The following STRBP variants were observed in gnomAD, a reference collection of about 807,000 sequenced individuals.
STRBP encodes spermatid perinuclear RNA binding protein.
In STRBP, 13 loss-of-function variants were observed where a neutral mutation model predicts 80.1. The ratio of observed to expected loss-of-function variants is 0.16; its 90% CI spans 0.11 to 0.26. The LOEUF (loss-of-function observed/expected upper bound fraction) is 0.26, where lower values mean the gene tolerates loss of function less well. Ranked by LOEUF, STRBP falls within the 10% of genes least tolerant of loss-of-function variation. The probability of loss-of-function intolerance (pLI) is 1.00; values close to 1 mark genes in which losing one functional copy is unlikely to be tolerated. For synonymous variants in STRBP, 284 were observed against 291.2 expected, an observed-to-expected ratio of 0.98 and a Z score of 0.25; for missense variants, 485 against 815.2, an observed-to-expected ratio of 0.59 and a Z score of 4.93.
intron 2 of STRBP, among the ~76,000 whole-genome samples, chr9:123,214,421 CAAAATCTCACAAATCA>C (rs2039823636): frequency 6.6e-6 from 1 of 151,920 alleles, no homozygotes; most frequent in Non-Finnish European, 1.5e-5. Flanking sequence ...ATGGGTGCAC[CAAAATCTCACAAATCA>C]CAGGTAAAGA....
At chr9:123,174,523 AC>A (rs1345818795) in intron 4 of STRBP, among the ~76,000 whole-genome samples, 1 of 152,246 alleles carries the variant, frequency 6.6e-6, no homozygotes, top group Non-Finnish European at 1.5e-5. Flanking sequence ...TTGGGAAAGA[AC>A]ATCAGCACAG....
chr9:123,205,539 A>C (rs1588097977), intron 2 of STRBP, among the ~76,000 whole-genome samples: 1 of 152,346 alleles, frequency 6.6e-6, no homozygotes, highest in Non-Finnish European at 1.5e-5. Flanking sequence ...CAGTAATGTT[A>C]ACAAATTACC....
chr9:123,138,311 T>A (rs2132327047), intron 14 of STRBP, among the ~76,000 whole-genome samples: 1 of 152,342 alleles, frequency 6.6e-6, no homozygotes, highest in African/African-American at 2.4e-5. Context: ...CATCTTGACC[T>A]GTGACTGCCA....
At chr9:123,151,799 A>C (rs2037067877) in intron 11 of STRBP, among the ~76,000 whole-genome samples, 1 of 152,160 alleles carries the variant, frequency 6.6e-6, no homozygotes, top group African/African-American at 2.4e-5. Flanking sequence ...GAACCCAAAG[A>C]AAGTCATAAG....
chr9:123,244,785 A>T (rs921053308), intron 1 of STRBP, among the ~76,000 whole-genome samples: 1 of 152,220 alleles, frequency 6.6e-6, no homozygotes, highest in African/African-American at 2.4e-5. Flanking sequence ...CACATAACCC[A>T]GCAATTGTAC....
chr9:123,227,148 G>C (rs778674592), intron 2 of STRBP, among the ~76,000 whole-genome samples: 1 of 151,980 alleles, frequency 6.6e-6, no homozygotes, highest in Non-Finnish European at 1.5e-5. Context: ...TTCAAACCAC[G>C]GCAATCATAA....
chr9:123,187,011 G>C (rs2132474174), intron 2 of STRBP, among the ~76,000 whole-genome samples: 1 of 152,054 alleles, frequency 6.6e-6, no homozygotes, highest in East Asian at 1.9e-4. Flanking sequence ...CTACTAATTA[G>C]TAGATAACAT....
At chr9:123,180,565 A>G (rs1363252699) in intron 3 of STRBP, among the ~76,000 whole-genome samples, 1 of 152,192 alleles carries the variant, frequency 6.6e-6, no homozygotes, top group African/African-American at 2.4e-5. Flanking sequence ...GGAAAAACAT[A>G]AATAAGGGTA....
At chr9:123,146,282 T>C (rs554689916) in intron 13 of STRBP, among the ~76,000 whole-genome samples, 5 of 152,002 alleles carry the variant, frequency 3.3e-5, no homozygotes, top group African/African-American at 9.6e-5. Context: ...TTATTCCCGA[T>C]GGAAATATTC....
At chr9:123,209,360 T>C (rs1300535723) in intron 2 of STRBP, among the ~76,000 whole-genome samples, 1 of 152,234 alleles carries the variant, frequency 6.6e-6, no homozygotes, top group Non-Finnish European at 1.5e-5. Context: ...AGGAAAGCAC[T>C]TGACTTTATG....
At chr9:123,259,122 T>A (rs1368505364) in intron 1 of STRBP, among the ~76,000 whole-genome samples, 1 of 151,632 alleles carries the variant, frequency 6.6e-6, no homozygotes, top group African/African-American at 2.4e-5. Context: ...TGTAGGCTTA[T>A]GCCAGTGCAA....
At chr9:123,183,553 A>G (rs1056919623) in intron 3 of STRBP, among the ~76,000 whole-genome samples, 9 of 152,184 alleles carry the variant, frequency 5.9e-5, no homozygotes, top group African/African-American at 2.2e-4. Context: ...ACCAATTAAA[A>G]GCCTAGGCAC....
intron 6 of STRBP, among the ~76,000 whole-genome samples, chr9:123,169,518 G>A (rs1012485339): frequency 1.3e-5 from 2 of 152,066 alleles, no homozygotes; most frequent in African/African-American, 4.8e-5. Context: ...AAACAATTCT[G>A]TTTTGGACCA....
At chr9:123,174,218 T>C (rs1292232373) in intron 4 of STRBP, among the ~76,000 whole-genome samples, 2 of 152,214 alleles carry the variant, frequency 1.3e-5, no homozygotes, top group Non-Finnish European at 2.9e-5. Context: ...GGAGGATCAT[T>C]TGAGCCCAGT....
At chr9:123,241,623 G>GAA (rs893295928) in intron 1 of STRBP, among the ~76,000 whole-genome samples, 1 of 144,288 alleles carries the variant, frequency 6.9e-6, no homozygotes, top group Non-Finnish European at 1.5e-5. Flanking sequence ...AGTTTTAAAA[G>GAA]AAAAAAAAAA....
chr9:123,232,112 G>C (rs1471766421), intron 2 of STRBP, among the ~76,000 whole-genome samples: 1 of 152,154 alleles, frequency 6.6e-6, no homozygotes, highest in African/African-American at 2.4e-5. Context: ...GGGAATTCGA[G>C]ACCAGCCTGG....
At chr9:123,178,197 C>T (rs1000944438) in intron 4 of STRBP, among the ~76,000 whole-genome samples, 6 of 152,192 alleles carry the variant, frequency 3.9e-5, no homozygotes, top group African/African-American at 1.4e-4. Flanking sequence ...ACTTATCACA[C>T]TGATTTAAAG....
At chr9:123,117,763 T>C (rs2035669135), downstream of STRBP, among the ~76,000 whole-genome samples, 1 of 152,238 alleles carries the variant, frequency 6.6e-6, no homozygotes, top group Admixed American at 6.5e-5. Context: ...GCTTAAATTG[T>C]TGAAGACATC....
chr9:123,219,522 A>G (rs1275895830), intron 2 of STRBP, among the ~76,000 whole-genome samples: 1 of 152,244 alleles, frequency 6.6e-6, no homozygotes, highest in African/African-American at 2.4e-5. Flanking sequence ...GCTTTTCTCC[A>G]AACTATAAAT....
Sources: gnomAD v4.1 joint callset for allele counts (sites outside exome capture counted in the v4.1 genomes callset) on GRCh38, gnomAD v4.1.1 for gene constraint, MANE v1.5 for transcripts, NCBI Gene and HGNC (gene_info 2026-07-23, HGNC 2026-07-21) for gene names.